DHRS7C: variants seen among roughly 807,000 people sequenced by gnomAD.
DHRS7C encodes dehydrogenase/reductase 7C.
A neutral mutation model predicts 29.6 loss-of-function variants in DHRS7C; 28 were observed. That is an observed-to-expected ratio of 0.95 (90% CI 0.70 to 1.30). The LOEUF (loss-of-function observed/expected upper bound fraction) is 1.30. Among genes scored for constraint, DHRS7C ranks in the 50% most tolerant of loss-of-function variants. The pLI is 0.00. For synonymous variants in DHRS7C, 158 were observed against 160.2 expected (o/e 0.99, Z 0.10); for missense variants, 403 against 393.3 (o/e 1.02, Z -0.21).
chr17:9,789,178 C>T (rs559634119), intron 1 of DHRS7C, among the ~76,000 whole-genome samples: 23 of 152,318 alleles, frequency 1.5e-4, no homozygotes, highest in African/African-American at 3.6e-4. Context: ...CCCCAACAAA[C>T]AGGATCGAAT....
chr17:9,790,176 C>G (rs2066447004), intron 1 of DHRS7C, among the ~76,000 whole-genome samples: 1 of 152,058 alleles, frequency 6.6e-6, no homozygotes, highest in East Asian at 1.9e-4. Flanking sequence ...GCCCAGCCCC[C>G]CAGAGGGACT....
In DHRS7C at chr17:9,775,981, C is replaced by T. The variant is rs974228936; in HGVS notation, c.571+1212G>A. Among the ~76,000 whole-genome samples, 1 of 152,178 alleles carries T rather than the reference C, an allele frequency of 6.6e-6. No homozygotes were observed. Among genetic ancestry groups the T allele is most frequent in the Non-Finnish European group, 1.5e-5 (1 of 68,034 alleles). On this transcript the variant is annotated intron_variant, in intron 4 of 5. Coordinates refer to ENST00000571134, the MANE Select transcript of DHRS7C (RefSeq NM_001105571.3). The surrounding 1 kb of genome is among the most constrained non-coding windows in gnomAD (Gnocchi z 4.2). ...CTTTGGGAGGTCAAGGCGGGTGAAT[C>T]ACCAGAGGTCAGGAGTTCGAGATCA...
In DHRS7C at chr17:9,771,542, GA is replaced by G; in HGVS notation, c.881del (p.Phe294SerfsTer8). On this transcript the variant is annotated frameshift_variant, in exon 6 of 6. Coordinates refer to ENST00000571134, the MANE Select transcript of DHRS7C (RefSeq NM_001105571.3). LOFTEE classifies it high-confidence loss of function. ...YVRTFFPEFF[F>X]AVVACGVKEK... is the part of the protein sequence containing the mutation. ...CCTTCACCCCACAGGCCACCACGGC[GA>G]AAAAGAACTCCGGGAAGAAGGTGCG... 5 of 1,590,274 alleles carry G rather than the reference GA, an allele frequency of 3.1e-6. No homozygotes were observed. The highest frequency in any genetic ancestry group is 1.7e-5 in the Admixed American group (1 of 57,588).
intron 4 of DHRS7C, 138 bp from the exon 5 acceptor site, chr17:9,773,060 C>A: frequency 9.1e-7 from 1 of 1,097,450 alleles, no homozygotes; most frequent in African/African-American, 1.6e-5. Flanking sequence ...ATCTGCCCCT[C>A]ACTTTACAAA....
In DHRS7C at chr17:9,771,717, G is replaced by A. The variant is rs372444237; in HGVS notation, c.728-21C>T. On this transcript the variant is annotated intron_variant, in intron 5 of 5. Coordinates refer to ENST00000571134, the MANE Select transcript of DHRS7C (RefSeq NM_001105571.3). ...AAAGACTGAAAGGCCCCAGTTGGGG[G>A]CGGGGGTTATGACCTCCGTGGGGAC... 5.0e-5 allele frequency: 72 copies of A among 1,430,196 alleles called. No homozygotes were observed. In the South Asian group the frequency reaches 5.2e-4, roughly 10 times the overall value. 88.6% of individuals were successfully genotyped at this position (1,430,196 alleles called of 1,614,324 possible).
At chr17:9,786,356 AATAATAATAATT>A (rs966854689) in intron 1 of DHRS7C, among the ~76,000 whole-genome samples, 13 of 144,100 alleles carry the variant, frequency 9.0e-5, no homozygotes, top group Non-Finnish European at 1.5e-4. Flanking sequence ...TAATAATAAT[AATAATAATAATT>A]AATCAGAAAA....
intron 1 of DHRS7C, among the ~76,000 whole-genome samples, chr17:9,783,631 TAA>T (rs1160928992): frequency 2.0e-5 from 3 of 152,180 alleles, no homozygotes; most frequent in African/African-American, 7.2e-5. Flanking sequence ...TAGTGTATGA[TAA>T]AGTTAACATG....
chr17:9,773,719 C>CTTTTTTTTTTTTTTTT (rs757682123), intron 4 of DHRS7C, among the ~76,000 whole-genome samples: 4 of 86,006 alleles, frequency 4.7e-5, no homozygotes, highest in Non-Finnish European at 8.4e-5. Context: ...GCAATGAGGC[C>CTTTTTTTTTTTTTTTT]TTTTTTTTTT....
intron 1 of DHRS7C, among the ~76,000 whole-genome samples, chr17:9,786,266 G>C (rs2152018447): frequency 1.3e-5 from 2 of 151,696 alleles, no homozygotes; most frequent in East Asian, 3.9e-4. Context: ...GGCTGAGGTT[G>C]CAGTGAGCTG....
chr17:9,778,913 C>T (rs2152016376), intron 3 of DHRS7C, among the ~76,000 whole-genome samples: 1 of 152,178 alleles, frequency 6.6e-6, no homozygotes, highest in East Asian at 1.9e-4. Context: ...AGAGCAGGGG[C>T]TTTAACTTTT....
rs966643500 is a variant in DHRS7C, at chr17:9,775,677, G to A, written c.571+1516C>T. Among the ~76,000 whole-genome samples, 1 of 152,138 alleles carries A rather than the reference G, an allele frequency of 6.6e-6. No individual in the cohort carries two copies. The highest frequency in any genetic ancestry group is 6.5e-5 in the Admixed American group (1 of 15,278). ...AGTTTTCCCACATCACAGGCTCACA[G>A]CACCACAGGCCTAAACTAACTAAGG... On this transcript the variant is annotated intron_variant, in intron 4 of 5. Coordinates refer to ENST00000571134, the MANE Select transcript of DHRS7C (RefSeq NM_001105571.3). This position sits in a 1 kb window ranked among gnomAD's most constrained non-coding sequence, Gnocchi z 4.2.
rs779838304 is a variant in DHRS7C, at chr17:9,791,381, G to A, written c.-97C>T. 2 of 1,405,272 alleles carry A rather than the reference G, an allele frequency of 1.4e-6. No individual in the cohort carries two copies. Among genetic ancestry groups the A allele is most frequent in the East Asian group, 2.4e-5 (1 of 41,508 alleles). 87.1% of individuals were successfully genotyped at this position (1,405,272 alleles called of 1,614,324 possible). ...AGGGGGAGGCCCAAGGCTGCAGGGA[G>A]CTCAGCTCTGTGCAAGCCTCCAAGC... On this transcript the variant is annotated 5_prime_UTR_variant, in exon 1 of 6. Transcript: ENST00000571134.
intron 1 of DHRS7C, among the ~76,000 whole-genome samples, chr17:9,790,489 T>C (rs1265832140): frequency 1.3e-5 from 2 of 152,160 alleles, no homozygotes; most frequent in South Asian, 2.1e-4. Context: ...AGTGTAATGA[T>C]TGAAAGAATC....
At position 9,791,314 on chromosome 17, in the gene DHRS7C, G is replaced by A. The variant is rs1379887205; in HGVS notation, c.-30C>T. ...TTCTGGGGGACAACGGAGTAAAAGG[G>A]GATTGGCTTTGCAAAGAGACGCTGA... On this transcript the variant is annotated 5_prime_UTR_variant, in exon 1 of 6. Coordinates refer to ENST00000571134, the MANE Select transcript of DHRS7C (RefSeq NM_001105571.3). The A allele has an allele frequency of 1.9e-6, 3 of 1,610,336 alleles. No homozygotes were observed. Among genetic ancestry groups the A allele is most frequent in the Admixed American group, 3.3e-5 (2 of 59,722 alleles).
Position 9,781,592 on chromosome 17 carries a change from ACT to A in DHRS7C, c.155_156del (p.Glu52ValfsTer27). 1 of 1,613,550 alleles carries A rather than the reference ACT, an allele frequency of 6.2e-7. No homozygotes were observed. The highest frequency in any genetic ancestry group is 8.5e-7 in the Non-Finnish European group (1 of 1,179,834). On this transcript the variant is annotated frameshift_variant and splice_region_variant, in exon 2 of 6. Transcript: ENST00000571134. LOFTEE classifies it high-confidence loss of function. ...CCACCTGTGTGGAACACCCGAGCAC[ACT>A]CTGTGGGGAAGAAGGAAACAGGGCA... is the stretch of plus-strand genomic sequence containing the variant. ...ITDAISGLGK[E>X]CARVFHTGGA...
At chr17:9,784,945 T>G (rs1440022263) in intron 1 of DHRS7C, among the ~76,000 whole-genome samples, 1 of 152,196 alleles carries the variant, frequency 6.6e-6, no homozygotes, top group Non-Finnish European at 1.5e-5. Context: ...TTCAAAACAG[T>G]GTGTTGAATA....
In DHRS7C at chr17:9,774,579, C is replaced by T. The variant is rs1053559613; in HGVS notation, c.572-1657G>A. On this transcript the variant is annotated intron_variant, in intron 4 of 5. Transcript: ENST00000571134. This position sits in a 1 kb window ranked among gnomAD's most constrained non-coding sequence, Gnocchi z 5.0. ...GATTGCAGGTATGAGCCACTGTGCC[C>T]GGCCCCATGTGGCATGGTTAATGCA... Among the ~76,000 whole-genome samples, 14 of 152,140 alleles carry T rather than the reference C, an allele frequency of 9.2e-5. No homozygotes were observed. The highest frequency in any genetic ancestry group is 5.8e-4 in the East Asian group (3 of 5,184).
At chr17:9,772,568 G>A (rs1009679818) in intron 5 of DHRS7C, among the ~76,000 whole-genome samples, 199 bp downstream of exon 5, 8 of 152,218 alleles carry the variant, frequency 5.3e-5, no homozygotes, top group African/African-American at 1.9e-4. Flanking sequence ...GTAGGCTGCA[G>A]TGAGGATTCT....
intron 1 of DHRS7C, among the ~76,000 whole-genome samples, chr17:9,785,876 C>A (rs1445639789): frequency 6.6e-6 from 1 of 152,170 alleles, no homozygotes; most frequent in African/African-American, 2.4e-5. Flanking sequence ...TTCCCTCCAA[C>A]TTGCACTAGC....
Sources: gnomAD v4.1 joint callset for allele counts (sites outside exome capture counted in the v4.1 genomes callset) on GRCh38, gnomAD v4.1.1 for gene constraint, Gnocchi (gnomAD v3.1) non-coding constraint, MANE v1.5 for transcripts, NCBI Gene and HGNC (gene_info 2026-07-23, HGNC 2026-07-21) for gene names.